The following STK32B variants were observed in gnomAD, a reference collection of about 807,000 sequenced individuals.
STK32B encodes the protein serine/threonine-protein kinase 32B.
STK32B carries 43 observed loss-of-function variants against 52.6 expected under a neutral mutation model. The observed-to-expected ratio is 0.82, with a 90% CI of 0.64 to 1.05. STK32B has a LOEUF of 1.05. STK32B is among the 50% of genes least tolerant of loss of function. STK32B has a pLI of 0.00. For synonymous variants in STK32B, 238 were observed against 204.3 expected (o/e 1.17, Z -1.41); for missense variants, 621 against 534.6 (o/e 1.16, Z -1.59).
intron 1 of STK32B, among the ~76,000 whole-genome samples, chr4:5,061,894 C>T (rs1742231628): frequency 6.6e-6 from 1 of 152,228 alleles, no homozygotes; most frequent in South Asian, 2.1e-4. Context: ...TTGGCAGGTT[C>T]CACTTGCTGT....
At chr4:5,401,170 A>G (rs1276792802) in intron 5 of STK32B, among the ~76,000 whole-genome samples, 1 of 152,148 alleles carries the variant, frequency 6.6e-6, no homozygotes, top group African/African-American at 2.4e-5. Context: ...TGCCTTCAAA[A>G]CCTTCACTGT....
At chr4:5,479,097 G>T (rs112549901) in intron 11 of STK32B, among the ~76,000 whole-genome samples, 5,980 of 146,986 alleles carry the variant, frequency 0.041, 172 homozygotes, top group Middle Eastern at 0.09. Context: ...TTTTTTGTTG[G>T]TTTTTGTTTG....
At chr4:5,112,349 C>T (rs549012391) in intron 1 of STK32B, among the ~76,000 whole-genome samples, 1 of 152,202 alleles carries the variant, frequency 6.6e-6, no homozygotes, top group African/African-American at 2.4e-5. Flanking sequence ...TAAGACATCC[C>T]AAGGTCTGCA....
chr4:5,332,749 TG>T, intron 4 of STK32B, among the ~76,000 whole-genome samples: 1 of 152,296 alleles, frequency 6.6e-6, no homozygotes, highest in Non-Finnish European at 1.5e-5. Flanking sequence ...ATGCGGTGTT[TG>T]GTTTTTTGTC....
intron 5 of STK32B, among the ~76,000 whole-genome samples, chr4:5,414,126 A>G (rs1041530576): frequency 1.2e-4 from 18 of 152,226 alleles, no homozygotes; most frequent in Admixed American, 6.5e-4. Context: ...ATTGTATGAT[A>G]CAGACATCCT....
chr4:5,344,593 A>C (rs1323962461), intron 4 of STK32B, among the ~76,000 whole-genome samples: 4 of 152,100 alleles, frequency 2.6e-5, no homozygotes, highest in Non-Finnish European at 5.9e-5. Context: ...TTATTAAATC[A>C]GTTATTTATG....
intron 11 of STK32B, among the ~76,000 whole-genome samples, chr4:5,479,330 G>A (rs1318161839): frequency 2.0e-5 from 3 of 151,958 alleles, no homozygotes; most frequent in Admixed American, 6.6e-5. Context: ...TGTTGGTCAG[G>A]CTGGTCTCAA....
intron 3 of STK32B, among the ~76,000 whole-genome samples, chr4:5,287,379 TTATA>T (rs1356115741): frequency 3.1e-5 from 4 of 128,734 alleles, no homozygotes; most frequent in African/African-American, 5.7e-5. Flanking sequence ...GAACACCTCT[TTATA>T]TATTTATATA....
intron 3 of STK32B, among the ~76,000 whole-genome samples, chr4:5,302,382 G>A (rs964038731): frequency 2.0e-4 from 31 of 151,916 alleles, no homozygotes; most frequent in African/African-American, 7.2e-4. Flanking sequence ...ATCCTGTTTA[G>A]AAATCTGTCT....
At chr4:5,407,733 G>T (rs1471131390) in intron 5 of STK32B, among the ~76,000 whole-genome samples, 1 of 152,066 alleles carries the variant, frequency 6.6e-6, no homozygotes, top group Admixed American at 6.5e-5. Context: ...AAAACAGCAA[G>T]GGGGAAATCC....
the STK32B span, among the ~76,000 whole-genome samples, chr4:5,040,267 G>A: frequency 6.6e-6 from 1 of 152,172 alleles, no homozygotes; most frequent in African/African-American, 2.4e-5. Flanking sequence ...CCATGAACAA[G>A]TAGGTGTCTC....
chr4:5,313,246 A>T (rs907532160), intron 3 of STK32B, among the ~76,000 whole-genome samples: 1 of 152,022 alleles, frequency 6.6e-6, no homozygotes, highest in African/African-American at 2.4e-5. Flanking sequence ...AAGGCAGTCA[A>T]TGTAATCTAC....
chr4:5,062,108 G>T (rs566625340), intron 1 of STK32B, among the ~76,000 whole-genome samples: 2 of 152,112 alleles, frequency 1.3e-5, no homozygotes, highest in Non-Finnish European at 2.9e-5. Flanking sequence ...GTACACGAGC[G>T]CCTTCTGTTT....
chr4:5,109,815 G>T (rs1714298859), intron 1 of STK32B, among the ~76,000 whole-genome samples: 1 of 152,174 alleles, frequency 6.6e-6, no homozygotes, highest in Admixed American at 6.5e-5. Context: ...TGGAAAAGAT[G>T]AAGTCAAATT....
chr4:5,039,203 C>T, the STK32B span, among the ~76,000 whole-genome samples: 1 of 152,050 alleles, frequency 6.6e-6, no homozygotes, highest in African/African-American at 2.4e-5. Context: ...CTATGTCGCT[C>T]AGGCTGGTCT....
At chr4:5,297,350 T>C (rs1467571383) in intron 3 of STK32B, among the ~76,000 whole-genome samples, 2 of 152,210 alleles carry the variant, frequency 1.3e-5, no homozygotes, top group African/African-American at 4.8e-5. Flanking sequence ...GATGTTCTCC[T>C]GGATAATAAC....
intron 11 of STK32B, among the ~76,000 whole-genome samples, chr4:5,495,883 GA>G (rs1720190541): frequency 6.6e-6 from 1 of 152,214 alleles, no homozygotes; most frequent in African/African-American, 2.4e-5. Flanking sequence ...GGTGGCTGCA[GA>G]ACAGCGGGTT....
At chr4:5,196,540 G>A (rs528663995) in intron 3 of STK32B, among the ~76,000 whole-genome samples, 66 of 151,764 alleles carry the variant, frequency 4.3e-4, no homozygotes, top group African/African-American at 1.3e-3. Flanking sequence ...GACCAACATG[G>A]TGAAACCCCC....
At chr4:5,186,008 G>A (rs1470727480) in intron 3 of STK32B, among the ~76,000 whole-genome samples, 2 of 152,126 alleles carry the variant, frequency 1.3e-5, no homozygotes, top group Admixed American at 6.5e-5. Context: ...CTGGAACACC[G>A]TCTGTTCTTC....
Sources: allele counts gnomAD v4.1 joint callset (sites outside exome capture counted in the v4.1 genomes callset), GRCh38; gene constraint gnomAD v4.1.1; transcripts MANE v1.5; gene names NCBI Gene and HGNC (gene_info 2026-07-23, HGNC 2026-07-21).